The following RPSA variants were observed in gnomAD, a reference collection of about 807,000 sequenced individuals.
RPSA encodes the protein ribosomal protein SA, also known as small ribosomal subunit protein uS2.
For missense variants in RPSA, 140 were observed against 372.8 expected (o/e 0.38, Z 5.14); for synonymous variants, 103 against 126.7 (o/e 0.81, Z 1.25).
chr3:39,411,479 A>G, intron 4 of RPSA, 170 bp from the exon 5 acceptor site: 2 of 679,740 alleles, frequency 2.9e-6, no homozygotes, highest in Non-Finnish European at 2.4e-6. Flanking sequence ...CTATGATTCC[A>G]GTGTGCAGAC....
intron 4 of RPSA, 140 bp downstream of exon 4, chr3:39,411,139 G>T: frequency 2.9e-6 from 3 of 1,023,060 alleles, no homozygotes; most frequent in Non-Finnish European, 4.6e-6. Context: ...TGAGGGGCAA[G>T]TTTTCGCTAA....
intron 2 of RPSA, chr3:39,408,339 TA>T: frequency 1.6e-6 from 1 of 633,040 alleles, no homozygotes; most frequent in East Asian, 3.2e-5. Flanking sequence ...AATGATGGAA[TA>T]AGTACAGGGA....
At chr3:39,408,768 T>C (rs750525243) in intron 3 of RPSA, 44 bp downstream of exon 3, 22 of 1,075,200 alleles carry the variant, frequency 2.0e-5, no homozygotes, top group Non-Finnish European at 2.9e-5. Flanking sequence ...GAAATAAAGC[T>C]TACAGACATT....
intron 3 of RPSA, 121 bp from the exon 4 acceptor site, chr3:39,410,631 GGT>G: frequency 9.2e-7 from 1 of 1,090,958 alleles, no homozygotes; most frequent in Non-Finnish European, 1.4e-6. Context: ...AGGAAAGCTG[GGT>G]ATGTGCCTGC....
rs1256902630 is a variant in RPSA, at chr3:39,406,743, G to T, written c.-55G>T. 1 of 403,306 alleles carries T rather than the reference G, an allele frequency of 2.5e-6. No homozygotes were observed. 25.0% of individuals were successfully genotyped at this position (403,306 alleles called of 1,614,324 possible). On this transcript the variant is annotated 5_prime_UTR_variant, in exon 1 of 7. Transcript: ENST00000301821. Reference sequence around the variant, plus strand: ...GTCTTTTCCGTGCTACCTGCAGAGGGGTCCATACGGCGTTGTTCTGGGTGA... The same window carrying T: ...GTCTTTTCCGTGCTACCTGCAGAGGTGTCCATACGGCGTTGTTCTGGGTGA...
chr3:39,406,960 C>T (rs777543991), intron 1 of RPSA, 196 bp downstream of exon 1: 38 of 451,598 alleles, frequency 8.4e-5, no homozygotes, highest in Admixed American at 3.3e-4. Flanking sequence ...GCCCCGGGAG[C>T]GGGTGGAGGC....
chr3:39,406,890 GC>G, intron 1 of RPSA, 126 bp downstream of exon 1: 1 of 456,252 alleles, frequency 2.2e-6, no homozygotes, highest in Non-Finnish European at 4.4e-6. Flanking sequence ...CGCCCGGCGC[GC>G]CCCACCTTAG....
At position 39,411,682 on chromosome 3, in the gene RPSA, C is replaced by T; in HGVS notation, c.532C>T (p.Leu178=). 17 of 1,605,764 alleles carry T rather than the reference C, an allele frequency of 1.1e-5. No individual in the cohort carries two copies. Among genetic ancestry groups the T allele is most frequent in the Non-Finnish European group, 1.4e-5 (17 of 1,179,936 alleles). ...CTCAGTGGGTTTGATGTGGTGGATG[C>T]TGGCTCGGGAAGTTCTGCGCATGCG... The part of the protein sequence containing the change: ...AHSVGLMWWM[L]AREVLRMRGT... The change falls in exon 5 of 7, where the codon CTG becomes TTG. Residue 178 remains leucine (L), a synonymous_variant. Transcript: ENST00000301821.
rs763325291 is a variant in RPSA at position 39,411,207 on chromosome 3, A to G, written c.498+208A>G. ...TTTGATAGTAATTCTTGCTACAAGT[A>G]TAACATTACTGCATGACAGCTTTGT... On this transcript the variant is annotated intron_variant, in intron 4 of 6. Transcript: ENST00000301821. The G allele has an allele frequency of 2.9e-5, 22 of 754,186 alleles. 1 individual carries two copies. The highest frequency in any genetic ancestry group is 2.6e-4 in the South Asian group (19 of 73,776). 46.7% of individuals were successfully genotyped at this position (754,186 alleles called of 1,614,324 possible).
At chr3:39,408,330 A>G (rs772481521) in intron 2 of RPSA, 99 of 610,084 alleles carry the variant, frequency 1.6e-4, no homozygotes, top group Admixed American at 2.3e-4. Flanking sequence ...TTAAGAACCA[A>G]TGATGGAATA....
rs201617825 is a variant in RPSA at position 39,411,876 on chromosome 3, CTT to C, written c.628-11_628-10del. 15 of 1,344,950 alleles carry C rather than the reference CTT, an allele frequency of 1.1e-5. No individual in the cohort carries two copies. Among genetic ancestry groups the C allele is most frequent in the Non-Finnish European group, 1.4e-5 (14 of 985,788 alleles). The allele number at this position is 1,344,950 out of a possible 1,614,324, so 83.3% of individuals were successfully genotyped here. A position where few individuals can be genotyped will look rare whatever the true frequency, so the allele number is the denominator to read the frequency against. ...TTGTCAGTCCCTGTAAGTCTTTCCTCTTTTTTTTTTGTAACCCAGATTGAAAA... is the reference window on the plus strand; with the variant it reads ...TTGTCAGTCCCTGTAAGTCTTTCCTCTTTTTTTTGTAACCCAGATTGAAAA... On this transcript the variant is annotated intron_variant, in intron 5 of 6. Coordinates refer to ENST00000301821, the MANE Select transcript of RPSA (RefSeq NM_002295.6).
chr3:39,410,615 A>G (rs2077798), intron 3 of RPSA, 139 bp from the exon 4 acceptor site: 273,866 of 910,398 alleles, frequency 0.3, 42,459 homozygotes, highest in Non-Finnish European at 0.32. Context: ...GAAGTAAGAG[A>G]GGTTAAGGAA....
chr3:39,411,953 G>C lies in RPSA; in HGVS notation c.685G>C (p.Gly229Arg). The C allele has an allele frequency of 6.2e-7, 1 of 1,600,334 alleles. No homozygotes were observed. Among genetic ancestry groups the C allele is most frequent in the Non-Finnish European group, 8.5e-7 (1 of 1,179,944 alleles). Reference sequence around the variant, plus strand: ...GGCAGTGACCAAGGAGGAATTTCAGGGTGAATGGACTGCTCCCGCTCCTGA... The same window carrying C: ...GGCAGTGACCAAGGAGGAATTTCAGCGTGAATGGACTGCTCCCGCTCCTGA... ...EKAVTKEEFQ[G>R]EWTAPAPEFT... The change falls in exon 6 of 7, where the codon GGT becomes CGT. Residue 229 changes from glycine to arginine, a missense_variant. Gly to Arg is a moderately radical substitution (Grantham distance 125). Transcript: ENST00000301821.
intron 1 of RPSA, 199 bp downstream of exon 1, chr3:39,406,963 G>C: frequency 2.2e-6 from 1 of 452,488 alleles, no homozygotes; most frequent in Non-Finnish European, 4.4e-6. Flanking sequence ...CCGGGAGCGG[G>C]TGGAGGCCGC....
In RPSA at chr3:39,407,622, T is replaced by A. The variant is rs1575254228; in HGVS notation, c.-32T>A. ...AAATAGGTTGCTCTCTTATTTCAGA[T>A]TCCCGTCGTAACTTAAAGGGAAATT... On this transcript the variant is annotated splice_region_variant and 5_prime_UTR_variant, in exon 2 of 7. Transcript: ENST00000301821. 1.3e-6 allele frequency: 2 copies of A among 1,590,814 alleles called. No homozygotes were observed. The highest frequency in any genetic ancestry group is 4.5e-5 in the East Asian group (2 of 44,844).
chr3:39,409,184 CTTTTTTTTT>C lies in RPSA; in HGVS notation c.252+475_252+483del, dbSNP rs71091746. Reference sequence around the variant, plus strand: ...ATCGCCCTTATGACCTATGACCTTCCTTTTTTTTTTTTTTTTTTTTTTTCCTTCAAGACA... The same window carrying C: ...ATCGCCCTTATGACCTATGACCTTCCTTTTTTTTTTTTTTCCTTCAAGACA... On this transcript the variant is annotated intron_variant, in intron 3 of 6. Coordinates refer to ENST00000301821, the MANE Select transcript of RPSA (RefSeq NM_002295.6). 3.5e-5 allele frequency among the ~76,000 whole-genome samples: 3 copies of C among 85,426 alleles called. No homozygotes were observed. In the South Asian group the frequency reaches 1.4e-3, roughly 39 times the overall value. 56.0% of individuals were successfully genotyped at this position (85,426 alleles called of 152,430 possible). A position where few individuals can be genotyped will look rare whatever the true frequency, so the allele number is the denominator to read the frequency against.
chr3:39,408,324 G>A, intron 2 of RPSA: 1 of 592,778 alleles, frequency 1.7e-6, no homozygotes, highest in Non-Finnish European at 3.1e-6. Context: ...GGATTATTAA[G>A]AACCAATGAT....
intron 3 of RPSA, 116 bp from the exon 4 acceptor site, chr3:39,410,638 G>T (rs2077799): frequency 0.51 from 595,078 of 1,155,866 alleles, 155,695 homozygotes; most frequent in East Asian, 0.65. Context: ...CTGGGTATGT[G>T]CCTGCTTTAC....
At position 39,407,360 on chromosome 3, in the gene RPSA, A is replaced by G. The variant is rs906804246; in HGVS notation, c.-33-261A>G. On this transcript the variant is annotated intron_variant, in intron 1 of 6. Transcript: ENST00000301821. ...CATCCACAACTTTTCCTTAATTCCT[A>G]TCTTGAGAAGTGTTGAATTTCCATT... 7.2e-5 allele frequency among the ~76,000 whole-genome samples: 11 copies of G among 152,186 alleles called. No homozygotes were observed. In the South Asian group the frequency reaches 1.0e-3, roughly 14 times the overall value.
Sources: gnomAD v4.1 joint callset for allele counts (sites outside exome capture counted in the v4.1 genomes callset) on GRCh38, gnomAD v4.1.1 for gene constraint, MANE v1.5 for transcripts, NCBI Gene and HGNC (gene_info 2026-07-23, HGNC 2026-07-21) for gene names.